The following PAOX variants were observed in gnomAD, a reference collection of about 807,000 sequenced individuals.
The protein encoded by PAOX is polyamine oxidase.
A neutral mutation model predicts 39.0 loss-of-function variants in PAOX; 38 were observed. The ratio of observed to expected loss-of-function variants is 0.97; its 90% CI spans 0.75 to 1.28. PAOX has a LOEUF of 1.28. Ranked by LOEUF, PAOX falls within the 50% of genes most tolerant of loss-of-function variation. The probability of loss-of-function intolerance (pLI) is 0.00; values close to 1 mark genes in which losing one functional copy is unlikely to be tolerated. For missense variants in PAOX, 667 were observed against 685.7 expected (o/e 0.97, Z 0.30); for synonymous variants, 311 against 314.4 (o/e 0.99, Z 0.11).
chr10:133,383,872 G>A (rs11101731), intron 3 of PAOX, 88 bp from the exon 4 acceptor site: 109,580 of 1,469,922 alleles, frequency 0.075, 4,487 homozygotes, highest in Middle Eastern at 0.11. Flanking sequence ...ACACCAGCAG[G>A]GGAAATTGCT....
chr10:133,379,554 C>T, intron 1 of PAOX, 57 bp downstream of exon 1: 1 of 1,201,058 alleles, frequency 8.3e-7, no homozygotes, highest in Non-Finnish European at 1.0e-6. Flanking sequence ...CCGAACTCGC[C>T]GGCCCCAACC....
chr10:133,386,383 C>T (rs550581484), intron 4 of PAOX, among the ~76,000 whole-genome samples: 21 of 152,086 alleles, frequency 1.4e-4, no homozygotes, highest in Non-Finnish European at 2.4e-4. Context: ...TCTCAGGCCT[C>T]CTCTGCATTC....
At chr10:133,383,589 T>G (rs1446387613) in intron 3 of PAOX, among the ~76,000 whole-genome samples, 1 of 122,928 alleles carries the variant, frequency 8.1e-6, no homozygotes, top group Admixed American at 9.8e-5. Flanking sequence ...GGCGACAGAG[T>G]GAGAATCCAT....
chr10:133,379,663 G>A lies in PAOX; in HGVS notation c.181+166G>A, dbSNP rs1004164112. 1.1e-5 allele frequency: 7 copies of A among 633,110 alleles called. No individual in the cohort carries two copies. The Admixed American group carries it at 2.0e-4, about 18-fold the overall frequency. 39.2% of individuals were successfully genotyped at this position (633,110 alleles called of 1,614,324 possible). On this transcript the variant is annotated intron_variant, in intron 1 of 6. Transcript: ENST00000278060. ...CAGAGTTCACCGCCCCGAAACTCAG[G>A]GCTCAGAGTTAGTCAGGAGGGCGCC...
At chr10:133,386,770 G>A (rs543410066) in intron 4 of PAOX, among the ~76,000 whole-genome samples, 10 of 152,080 alleles carry the variant, frequency 6.6e-5, no homozygotes, top group Non-Finnish European at 1.2e-4. Flanking sequence ...TACTGCGCCC[G>A]GCCAAAGGAG....
At chr10:133,387,568 T>C (rs1849559356) in intron 4 of PAOX, among the ~76,000 whole-genome samples, 1 of 152,206 alleles carries the variant, frequency 6.6e-6, no homozygotes, top group Non-Finnish European at 1.5e-5. Context: ...TACCACACCA[T>C]GATTTGTCTG....
At chr10:133,390,410 C>CCACACACA (rs59249557) in intron 6 of PAOX, among the ~76,000 whole-genome samples, 5 of 145,330 alleles carry the variant, frequency 3.4e-5, no homozygotes, top group Admixed American at 2.1e-4. Flanking sequence ...GAGTCGGTCT[C>CCACACACA]CACACACACA....
chr10:133,385,647 A>G (rs900927954), intron 4 of PAOX, among the ~76,000 whole-genome samples: 13 of 152,014 alleles, frequency 8.6e-5, no homozygotes, highest in Non-Finnish European at 1.8e-4. Context: ...GCAGTGGTGC[A>G]ATCTTGGCTC....
intron 5 of PAOX, 76 bp downstream of exon 5, chr10:133,389,144 C>A: frequency 7.9e-7 from 1 of 1,270,898 alleles, no homozygotes; most frequent in Non-Finnish European, 1.2e-6. Context: ...CTAGACTTTG[C>A]AGAACAGAGA....
At chr10:133,385,362 C>T (rs937161598) in intron 4 of PAOX, among the ~76,000 whole-genome samples, 1 of 152,062 alleles carries the variant, frequency 6.6e-6, no homozygotes, top group Non-Finnish European at 1.5e-5. Context: ...GGTGGGCAGC[C>T]GGGTGGGTGA....
rs1351527723 is a variant in PAOX, at chr10:133,381,613, T to C, written c.822T>C (p.Asp274=). The C allele has an allele frequency of 6.2e-7, 1 of 1,613,452 alleles. No individual in the cohort carries two copies. Among genetic ancestry groups the C allele is most frequent in the East Asian group, 2.2e-5 (1 of 44,868 alleles). Residue 274 remains aspartate, a synonymous_variant, in exon 3 of 7, where the codon GAT becomes GAC. Coordinates refer to ENST00000278060, the MANE Select transcript of PAOX (RefSeq NM_152911.4). ...ETFPVSVECE[D]GDRFPAHHVI... is the part of the protein sequence containing the mutation. ...TTCCAGTGTCGGTAGAGTGTGAGGA[T>C]GGAGACCGGTTCCCGGCGCACCATG...
chr10:133,390,985 C>T (rs554059335), intron 6 of PAOX: 8 of 699,596 alleles, frequency 1.1e-5, no homozygotes, highest in African/African-American at 8.7e-5. Flanking sequence ...TCTTCCCACC[C>T]GTTGGTGGAT....
chr10:133,379,625 T>G, intron 1 of PAOX, 128 bp downstream of exon 1: 1 of 800,452 alleles, frequency 1.2e-6, no homozygotes, highest in Non-Finnish European at 1.7e-6. Flanking sequence ...GAATCCCCGC[T>G]CGCTTAATCC....
chr10:133,381,443 C>A lies in PAOX; in HGVS notation c.669-17C>A. 1.9e-6 allele frequency: 3 copies of A among 1,612,446 alleles called. No individual in the cohort carries two copies. Among genetic ancestry groups the A allele is most frequent in the Non-Finnish European group, 2.5e-6 (3 of 1,178,914 alleles). ...AGGGACTGGGCCTCTACGAAACCAG[C>A]ACTTCCGTCTTTCTAGGGGCTATCA... On this transcript the variant is annotated splice_polypyrimidine_tract_variant and intron_variant, in intron 2 of 6. Coordinates refer to ENST00000278060, the MANE Select transcript of PAOX (RefSeq NM_152911.4).
intron 2 of PAOX, 110 bp downstream of exon 2, chr10:133,380,595 G>C: frequency 7.3e-7 from 1 of 1,375,330 alleles, no homozygotes; most frequent in Non-Finnish European, 9.6e-7. Context: ...GAGACCATTT[G>C]TCCTCCCCAT....
chr10:133,388,761 C>T (rs1424111608), intron 4 of PAOX, among the ~76,000 whole-genome samples, 195 bp from the exon 5 acceptor site: 2 of 152,164 alleles, frequency 1.3e-5, no homozygotes. Context: ...GCCTCTGGGG[C>T]CCCTGCTCCA....
At position 133,389,017 on chromosome 10, in the gene PAOX, T is replaced by C. The variant is rs1175506331; in HGVS notation, c.1183T>C (p.Ser395Pro). ...GLESEFMETL[S>P]DEEVLLCLTQ... ...TGAGTCTGAGTTCATGGAGACTCTGTCGGATGAAGAAGTACTTCTGTGTCT... is the reference window on the plus strand; with the variant it reads ...TGAGTCTGAGTTCATGGAGACTCTGCCGGATGAAGAAGTACTTCTGTGTCT... The change falls in exon 5 of 7, where the codon TCG becomes CCG. Residue 395 changes from serine (S) to proline (P), a missense_variant. Transcript: ENST00000278060. The C allele has an allele frequency of 6.2e-7, 1 of 1,614,214 alleles. No homozygotes were observed.
chr10:133,382,249 C>T (rs1338341384), intron 3 of PAOX, among the ~76,000 whole-genome samples: 1 of 152,154 alleles, frequency 6.6e-6, no homozygotes, highest in Non-Finnish European at 1.5e-5. Context: ...CCACATATGA[C>T]AGATTTGAAC....
intron 4 of PAOX, among the ~76,000 whole-genome samples, chr10:133,385,278 A>G (rs1451709310): frequency 6.6e-6 from 1 of 151,992 alleles, no homozygotes; most frequent in Non-Finnish European, 1.5e-5. Context: ...CCTTGGCAAC[A>G]AGAGCAAAAC....
Sources: allele counts gnomAD v4.1 joint callset (sites outside exome capture counted in the v4.1 genomes callset), GRCh38; gene constraint gnomAD v4.1.1; transcripts MANE v1.5; gene names NCBI Gene and HGNC (gene_info 2026-07-23, HGNC 2026-07-21).